Variants in PIAS1 observed in about 807,000 individuals in gnomAD.
PIAS1 encodes the protein E3 SUMO-protein ligase PIAS1.
Under a neutral mutation model 71.3 loss-of-function variants are expected in PIAS1, and 6 were observed. The ratio of observed to expected loss-of-function variants is 0.08; its 90% CI spans 0.05 to 0.17. PIAS1 has a LOEUF of 0.17. PIAS1 is among the 10% of genes least tolerant of loss of function. The pLI is 1.00. For synonymous variants in PIAS1, 303 were observed against 292.9 expected (o/e 1.03, Z -0.35); for missense variants, 555 against 793.6 (o/e 0.70, Z 3.61).
chr15:68,090,089 A>C (rs1331122830), intron 2 of PIAS1, among the ~76,000 whole-genome samples: 1 of 151,874 alleles, frequency 6.6e-6, no homozygotes, highest in East Asian at 1.9e-4. Flanking sequence ...CATGTCAGCC[A>C]GGCTGGTCTC....
chr15:68,166,478 C>T (rs534663646), intron 8 of PIAS1, among the ~76,000 whole-genome samples: 8 of 151,764 alleles, frequency 5.3e-5, no homozygotes, highest in South Asian at 2.1e-4. Context: ...CCTCTTTCTC[C>T]GAAACCCTGA....
intron 6 of PIAS1, among the ~76,000 whole-genome samples, chr15:68,151,036 G>A (rs1457287657): frequency 6.6e-6 from 1 of 151,442 alleles, no homozygotes; most frequent in Non-Finnish European, 1.5e-5. Flanking sequence ...TTTTGAAAAA[G>A]CAATAAACAA....
At chr15:68,094,160 T>C (rs1384548198) in intron 2 of PIAS1, among the ~76,000 whole-genome samples, 3 of 151,926 alleles carry the variant, frequency 2.0e-5, no homozygotes, top group Non-Finnish European at 4.4e-5. Flanking sequence ...TTTCCTGTGC[T>C]TTTTTAAAGG....
chr15:68,140,281 T>G (rs979831989), intron 2 of PIAS1, among the ~76,000 whole-genome samples: 4 of 152,190 alleles, frequency 2.6e-5, no homozygotes, highest in African/African-American at 9.6e-5. Flanking sequence ...GTAATATGAA[T>G]TTTTGGACTT....
intron 13 of PIAS1, among the ~76,000 whole-genome samples, 151 bp downstream of exon 13, chr15:68,183,818 G>C (rs2093070850): frequency 6.6e-6 from 1 of 152,096 alleles, no homozygotes; most frequent in Admixed American, 6.6e-5. Flanking sequence ...TATAGCCATG[G>C]TAACATTGTA....
rs535259460 is a variant in PIAS1 at position 68,102,146 on chromosome 15, A to G, written c.469+15396A>G. On this transcript the variant is annotated intron_variant, in intron 2 of 13. Coordinates refer to ENST00000249636, the MANE Select transcript of PIAS1 (RefSeq NM_016166.3). ...TGTGATCCATTTGTTACTACTTTTT[A>G]TAAGGTGTGAGATTGAGATTGAGCT... Among the ~76,000 whole-genome samples, 5 of 152,264 alleles carry G rather than the reference A, an allele frequency of 3.3e-5. No individual in the cohort carries two copies. In the South Asian group the frequency reaches 1.0e-3, roughly 32 times the overall value.
At position 68,171,707 on chromosome 15, in the gene PIAS1, G is replaced by T. The variant is rs1268572569; in HGVS notation, c.1009-2025G>T. Among the ~76,000 whole-genome samples, 1 of 152,058 alleles carries T rather than the reference G, an allele frequency of 6.6e-6. No homozygotes were observed. Among genetic ancestry groups the T allele is most frequent in the African/African-American group, 2.4e-5 (1 of 41,392 alleles). The stretch of plus-strand genomic sequence containing the variant: ...TGTTAATTTAGAGAAAGTAAAAGAG[G>T]CCCAGAAAGGCTAAATGCCTTTCTT... On this transcript the variant is annotated intron_variant, in intron 8 of 13. Coordinates refer to ENST00000249636, the MANE Select transcript of PIAS1 (RefSeq NM_016166.3). This position sits in a 1 kb window ranked among gnomAD's most constrained non-coding sequence, Gnocchi z 4.4.
intron 2 of PIAS1, among the ~76,000 whole-genome samples, chr15:68,091,759 C>T (rs1364254063): frequency 1.3e-5 from 2 of 152,140 alleles, no homozygotes; most frequent in East Asian, 1.9e-4. Flanking sequence ...AAAACACTTA[C>T]ATTAGCTGAC....
chr15:68,069,223 A>G (rs2092065317), intron 1 of PIAS1, among the ~76,000 whole-genome samples: 3 of 152,098 alleles, frequency 2.0e-5, no homozygotes, highest in African/African-American at 7.2e-5. Context: ...ATACATTTAA[A>G]AAACTCTTAG....
At chr15:68,085,133 G>A (rs1443714414) in intron 1 of PIAS1, among the ~76,000 whole-genome samples, 1 of 152,188 alleles carries the variant, frequency 6.6e-6, no homozygotes, top group East Asian at 1.9e-4. Flanking sequence ...AGGGAAGGCA[G>A]CATAAGCATA....
In PIAS1 at chr15:68,186,453, T is replaced by C. The variant is rs1265067828; in HGVS notation, c.1663-1089T>C. On this transcript the variant is annotated intron_variant, in intron 13 of 13. Coordinates refer to ENST00000249636, the MANE Select transcript of PIAS1 (RefSeq NM_016166.3). The surrounding 1 kb of genome is among the most constrained non-coding windows in gnomAD (Gnocchi z 4.4). ...TGTTTTAAATTAAGTGTTACAAGAG[T>C]CAAAGTTTTAAAAAATCAGTTTATA... Among the ~76,000 whole-genome samples, 1 of 152,202 alleles carries C rather than the reference T, an allele frequency of 6.6e-6. No individual in the cohort carries two copies. The highest frequency in any genetic ancestry group is 1.9e-4 in the East Asian group (1 of 5,206).
intron 2 of PIAS1, among the ~76,000 whole-genome samples, chr15:68,118,554 C>G (rs752520091): frequency 2.7e-4 from 39 of 146,100 alleles, no homozygotes; most frequent in Non-Finnish European, 4.3e-4. Flanking sequence ...GTTCTGCAAG[C>G]TGGTCTCTAA....
At chr15:68,150,441 TG>T (rs1027594188) in intron 6 of PIAS1, among the ~76,000 whole-genome samples, 1 of 152,208 alleles carries the variant, frequency 6.6e-6, no homozygotes, top group African/African-American at 2.4e-5. Context: ...CTTAATAGAT[TG>T]TTTTTAAATT....
chr15:68,064,300 T>A (rs770452322), intron 1 of PIAS1, among the ~76,000 whole-genome samples: 1 of 152,240 alleles, frequency 6.6e-6, no homozygotes, highest in Non-Finnish European at 1.5e-5. Context: ...TTGGAAGACA[T>A]GTATTTGCCA....
intron 4 of PIAS1, among the ~76,000 whole-genome samples, chr15:68,143,991 C>T (rs1043999614): frequency 1.3e-5 from 2 of 151,932 alleles, no homozygotes; most frequent in African/African-American, 4.8e-5. Flanking sequence ...TACATACATT[C>T]TTTAAAGCAG....
intron 2 of PIAS1, among the ~76,000 whole-genome samples, chr15:68,108,625 A>G (rs2092493906): frequency 6.6e-6 from 1 of 152,148 alleles, no homozygotes; most frequent in Admixed American, 6.5e-5. Context: ...CACCATTCAT[A>G]TAGCTATCTC....
At chr15:68,095,002 CTGTGTACTT>C (rs779247103) in intron 2 of PIAS1, among the ~76,000 whole-genome samples, 1 of 152,070 alleles carries the variant, frequency 6.6e-6, no homozygotes, top group Admixed American at 6.5e-5. Context: ...AAATGGATGT[CTGTGTACTT>C]GAGTGTGATC....
At chr15:68,154,133 G>A (rs1319123736) in intron 7 of PIAS1, among the ~76,000 whole-genome samples, 3 of 152,142 alleles carry the variant, frequency 2.0e-5, no homozygotes, top group Non-Finnish European at 4.4e-5. Context: ...ATATGACTGT[G>A]GACAAGTAAC....
chr15:68,150,600 C>T (rs750780369), intron 6 of PIAS1, among the ~76,000 whole-genome samples: 1 of 152,062 alleles, frequency 6.6e-6, no homozygotes, highest in African/African-American at 2.4e-5. Context: ...GCTAGTATAG[C>T]GCCTGAAAGA....
Sources: allele counts gnomAD v4.1 joint callset (sites outside exome capture counted in the v4.1 genomes callset), GRCh38; gene constraint gnomAD v4.1.1; non-coding constraint Gnocchi (gnomAD v3.1); transcripts MANE v1.5; gene names NCBI Gene and HGNC (gene_info 2026-07-23, HGNC 2026-07-21).